PPP1R27: variants seen among roughly 807,000 people sequenced by gnomAD.
PPP1R27 encodes dysferlin interacting protein 1.
Under a neutral mutation model 12.0 loss-of-function variants are expected in PPP1R27, and 10 were observed. The observed-to-expected ratio is 0.84, with a 90% confidence interval of 0.52 to 1.42. The LOEUF (loss-of-function observed/expected upper bound fraction) is 1.42, where lower values mean the gene tolerates loss of function less well. Ranked by LOEUF, PPP1R27 falls within the 40% of genes most tolerant of loss-of-function variation. PPP1R27 has a pLI of 0.00. For synonymous variants in PPP1R27, 98 were observed against 89.3 expected (o/e 1.10, Z -0.55); for missense variants, 246 against 215.3 (o/e 1.14, Z -0.89).
chr17:81,833,760 A>G lies in PPP1R27; in HGVS notation c.434T>C (p.Val145Ala). 1.3e-6 allele frequency: 2 copies of G among 1,552,670 alleles called. No homozygotes were observed. Among genetic ancestry groups the G allele is most frequent in the Middle Eastern group, 1.7e-4 (1 of 5,724 alleles). ...CATCGTGGTCCCTTTGAAGAGCTCC[A>G]CCAGCTCCTTGTAGTCCGGGTCGAT... ...DLIDPDYKEL[V>A]ELFKGTTMD Residue 145 changes from valine to alanine, a missense_variant, in exon 3 of 3, where the codon GTG becomes GCG. Transcript: ENST00000330261.
chr17:81,834,303 C>G (rs543916011), intron 2 of PPP1R27, 200 bp downstream of exon 2: 2 of 589,046 alleles, frequency 3.4e-6, no homozygotes, highest in Middle Eastern at 4.6e-4. Context: ...GTTCTTGTCA[C>G]GAACTCCTGA....
At chr17:81,833,952 T>TCCC (rs2038578223) in intron 2 of PPP1R27, 100 bp from the exon 3 acceptor site, 1 of 1,382,614 alleles carries the variant, frequency 7.2e-7, no homozygotes, top group Admixed American at 2.2e-5. Flanking sequence ...CACCTGTGTG[T>TCCC]CCCCCACCTT....
In PPP1R27 at chr17:81,833,857, G is replaced by A. The variant is rs373153577; in HGVS notation, c.342-5C>T. 4 of 1,595,562 alleles carry A rather than the reference G, an allele frequency of 2.5e-6. No homozygotes were observed. Among genetic ancestry groups the A allele is most frequent in the Non-Finnish European group, 3.4e-6 (4 of 1,171,512 alleles). ...GCTCCCAGGGAGATAAGGTACCTGG[G>A]GTGTAAAGGTCGCTCTGGCTGAAGC... On this transcript the variant is annotated splice_polypyrimidine_tract_variant and splice_region_variant and intron_variant, in intron 2 of 2. Transcript: ENST00000330261.
Position 81,833,790 on chromosome 17 carries a change from T to A in PPP1R27, c.404A>T (p.Asp135Val). 1.3e-6 allele frequency: 2 copies of A among 1,562,402 alleles called. No individual in the cohort carries two copies. The highest frequency in any genetic ancestry group is 1.7e-6 in the Non-Finnish European group (2 of 1,153,074). ...CTCCTTGTAGTCCGGGTCGATGAGG[T>A]CGGAGGGCAGGTCGCCATCGTCGTT... Reference protein sequence around the residue: ...ATNDDGDLPSDLIDPDYKELV... With the variant: ...ATNDDGDLPSVLIDPDYKELV... The change falls in exon 3 of 3, where the codon GAC becomes GTC. Residue 135 changes from aspartate (D) to valine (V), a missense_variant. By Grantham distance (152) the Asp-to-Val change is radical (BLOSUM62 -3). Coordinates refer to ENST00000330261, the MANE Select transcript of PPP1R27 (RefSeq NM_001007533.4).
Position 81,833,865 on chromosome 17 carries a change from G to A in PPP1R27, c.342-13C>T. 1.9e-6 allele frequency: 3 copies of A among 1,595,336 alleles called. No individual in the cohort carries two copies. Among genetic ancestry groups the A allele is most frequent in the South Asian group, 1.1e-5 (1 of 87,970 alleles). Reference sequence around the variant, plus strand: ...GGAGATAAGGTACCTGGGGTGTAAAGGTCGCTCTGGCTGAAGCGGGGAGGA... The same window carrying A: ...GGAGATAAGGTACCTGGGGTGTAAAAGTCGCTCTGGCTGAAGCGGGGAGGA... On this transcript the variant is annotated splice_polypyrimidine_tract_variant and intron_variant, in intron 2 of 2. Transcript: ENST00000330261.
Position 81,833,566 on chromosome 17 carries a change from A to G in PPP1R27, c.*163T>C, listed in dbSNP as rs963515472. 11 of 692,230 alleles carry G rather than the reference A, an allele frequency of 1.6e-5. No individual in the cohort carries two copies. In the African/African-American group the frequency reaches 2.0e-4, roughly 13 times the overall value. 42.9% of individuals were successfully genotyped at this position (692,230 alleles called of 1,614,324 possible). A position where few individuals can be genotyped will look rare whatever the true frequency, so the allele number is the denominator to read the frequency against. The stretch of plus-strand genomic sequence containing the variant: ...AAAGTAAAAAGTGTCACAGTAAAAA[A>G]TTCACCTGGGGACAAAGCCAGGCCT... On this transcript the variant is annotated 3_prime_UTR_variant, in exon 3 of 3. Transcript: ENST00000330261.
intron 2 of PPP1R27, 74 bp from the exon 3 acceptor site, chr17:81,833,926 GC>G: frequency 2.6e-6 from 4 of 1,532,320 alleles, no homozygotes; most frequent in Non-Finnish European, 3.5e-6. Flanking sequence ...GGGTCAGAGG[GC>G]CAGAGTCCTG....
intron 2 of PPP1R27, 75 bp downstream of exon 2, chr17:81,834,428 G>A: frequency 1.3e-6 from 2 of 1,537,880 alleles, no homozygotes; most frequent in Non-Finnish European, 1.8e-6. Context: ...CTACATTTTG[G>A]GGCTCCCATC....
chr17:81,834,059 G>A (rs2038579534), intron 2 of PPP1R27: 1 of 576,682 alleles, frequency 1.7e-6, no homozygotes, highest in African/African-American at 1.9e-5. Context: ...GACAAAGGCA[G>A]AAACAGGATT....
rs768376491 is a variant in PPP1R27, at chr17:81,833,825, C to T, written c.369G>A (p.Arg123=). ...GGTCGCCATCGTCGTTGGTTGCATCCCTGTCCGCTCCCAGGGAGATAAGGT... is the reference window on the plus strand; with the variant it reads ...GGTCGCCATCGTCGTTGGTTGCATCTCTGTCCGCTCCCAGGGAGATAAGGT... The part of the protein sequence containing the change: ...ARYLISLGAD[R]DATNDDGDLP... The change falls in exon 3 of 3, where the codon AGG becomes AGA. Residue 123 remains arginine, a synonymous_variant. Transcript: ENST00000330261. The T allele has an allele frequency of 7.6e-6, 12 of 1,585,106 alleles. No homozygotes were observed. The highest frequency in any genetic ancestry group is 1.0e-5 in the Non-Finnish European group (12 of 1,165,590).
rs1320726474 is a variant in PPP1R27 at position 81,834,616 on chromosome 17, G to GT, written c.227dup (p.Asn76LysfsTer14). ...TGACCAGCAGCTTCACGCATTCCAG[G>GT]TTTCCAGAGAGCACGGCTTCATGCA... On this transcript the variant is annotated frameshift_variant, in exon 2 of 3. Transcript: ENST00000330261. LOFTEE classifies it high-confidence loss of function. 1 of 1,614,090 alleles carries GT rather than the reference G, an allele frequency of 6.2e-7. No individual in the cohort carries two copies. Among genetic ancestry groups the GT allele is most frequent in the Non-Finnish European group, 8.5e-7 (1 of 1,180,044 alleles).
intron 2 of PPP1R27, 42 bp from the exon 3 acceptor site, chr17:81,833,894 A>G: frequency 1.9e-6 from 3 of 1,582,612 alleles, no homozygotes; most frequent in Non-Finnish European, 2.6e-6. Context: ...GGGAGGAGCC[A>G]GGAGAGTGCT....
rs770386678 is a variant in PPP1R27 at position 81,834,898 on chromosome 17, C to T, written c.56G>A (p.Arg19Gln). The change falls in exon 1 of 3, where the codon CGG becomes CAG. Residue 19 changes from arginine to glutamine, a missense_variant. Transcript: ENST00000330261. ...ARYSPRQRRR[R>Q]MLADRSVRFP... is the part of the protein sequence containing the mutation. ...ACGCACGCTGCGATCAGCCAGCATCCGCCGCCGCCGCTGCCGTGGGCTGTA... is the reference window on the plus strand; with the variant it reads ...ACGCACGCTGCGATCAGCCAGCATCTGCCGCCGCCGCTGCCGTGGGCTGTA... 1.5e-5 allele frequency: 24 copies of T among 1,610,592 alleles called. No individual in the cohort carries two copies. Among genetic ancestry groups the T allele is most frequent in the Middle Eastern group, 1.6e-4 (1 of 6,076 alleles).
intron 2 of PPP1R27, 113 bp downstream of exon 2, chr17:81,834,390 T>C: frequency 3.2e-6 from 4 of 1,269,710 alleles, no homozygotes; most frequent in Non-Finnish European, 4.4e-6. Flanking sequence ...GCCCCCAGCC[T>C]CTAGGGTTCT....
At chr17:81,834,738 G>A (rs1381884395) in intron 1 of PPP1R27, 26 bp downstream of exon 1, 2 of 1,609,866 alleles carry the variant, frequency 1.2e-6, no homozygotes, top group Non-Finnish European at 1.7e-6. Context: ...CACAGGCCCT[G>A]GCCAGCTCTT....
chr17:81,834,336 G>A (rs1598258389), intron 2 of PPP1R27, 167 bp downstream of exon 2: 1 of 689,388 alleles, frequency 1.5e-6, no homozygotes, highest in Non-Finnish European at 2.4e-6. Flanking sequence ...CGCCCACCTC[G>A]GCCTCCCAAA....
chr17:81,833,633 C>CCTGGCCCACGGGTGGGGCACGTG lies in PPP1R27; in HGVS notation c.*73_*95dup. ...TCGTGGAGGGACGGGTCCGGCCGCC[C>CCTGGCCCACGGGTGGGGCACGTG]CTGGCCCACGGGTGGGGCACGTGCT... is the stretch of plus-strand genomic sequence containing the variant. On this transcript the variant is annotated 3_prime_UTR_variant, in exon 3 of 3. Transcript: ENST00000330261. 7.2e-7 allele frequency: 1 copy of CCTGGCCCACGGGTGGGGCACGTG among 1,387,440 alleles called. No homozygotes were observed. The highest frequency in any genetic ancestry group is 9.6e-7 in the Non-Finnish European group (1 of 1,044,808). 85.9% of individuals were successfully genotyped at this position (1,387,440 alleles called of 1,614,324 possible). A position where few individuals can be genotyped will look rare whatever the true frequency, so the allele number is the denominator to read the frequency against.
At chr17:81,834,022 C>T (rs1161854851) in intron 2 of PPP1R27, 170 bp from the exon 3 acceptor site, 1 of 712,826 alleles carries the variant, frequency 1.4e-6, no homozygotes, top group South Asian at 2.0e-5. Context: ...GAAGCTGTGG[C>T]CAGCTTTTCA....
At position 81,834,852 on chromosome 17, in the gene PPP1R27, G is replaced by A; in HGVS notation, c.102C>T (p.Phe34=). ...RSVRFPNDVL[F]LDHIRQGDLE... is the part of the protein sequence containing the mutation. ...GGTCACCCTGCCGGATGTGGTCCAA[G>A]AACAGGACATCATTAGGGAAACGCA... Residue 34 remains phenylalanine (F), a synonymous_variant, in exon 1 of 3, where the codon TTC becomes TTT. Coordinates refer to ENST00000330261, the MANE Select transcript of PPP1R27 (RefSeq NM_001007533.4). 5.6e-6 allele frequency: 9 copies of A among 1,613,650 alleles called. No individual in the cohort carries two copies. The highest frequency in any genetic ancestry group is 1.3e-5 in the African/African-American group (1 of 75,066).
Sources: allele counts gnomAD v4.1 joint callset, GRCh38; gene constraint gnomAD v4.1.1; transcripts MANE v1.5; gene names NCBI Gene and HGNC (gene_info 2026-07-23, HGNC 2026-07-21).